The following ATP13A2 variants were observed in gnomAD, a reference collection of about 807,000 sequenced individuals.
ATP13A2 encodes ATPase cation transporting 13A2, also known as polyamine-transporting ATPase 13A2.
In ATP13A2, 83 loss-of-function variants were observed where a neutral mutation model predicts 138.3. The observed-to-expected ratio is 0.60, with a 90% CI of 0.50 to 0.72. The LOEUF is 0.72. Ranked by LOEUF, ATP13A2 falls within the 30% of genes least tolerant of loss-of-function variation. The probability of loss-of-function intolerance (pLI) is 0.00; values close to 1 mark genes in which losing one functional copy is unlikely to be tolerated. For synonymous variants in ATP13A2, 663 were observed against 699.0 expected, an observed-to-expected ratio of 0.95 and a Z score of 0.81; for missense variants, 1,402 against 1,606.4, an observed-to-expected ratio of 0.87 and a Z score of 2.17.
intron 6 of ATP13A2, among the ~76,000 whole-genome samples, chr1:17,003,253 C>T (rs981877545): frequency 1.3e-5 from 2 of 152,138 alleles, no homozygotes; most frequent in African/African-American, 2.4e-5. Context: ...TCTGCTTCTG[C>T]GGCATTCAAA....
chr1:16,990,571 G>A (rs1269989701), intron 20 of ATP13A2, among the ~76,000 whole-genome samples: 3 of 152,154 alleles, frequency 2.0e-5, no homozygotes, highest in African/African-American at 7.2e-5. Context: ...AGGCTGGAGT[G>A]CAGTGGCTTG....
chr1:17,002,515 C>T, intron 6 of ATP13A2, 142 bp from the exon 7 acceptor site: 1 of 989,008 alleles, frequency 1.0e-6, no homozygotes, highest in South Asian at 1.6e-5. Flanking sequence ...AGTAAGCCCC[C>T]TTGAACCCAA....
At position 17,004,547 on chromosome 1, in the gene ATP13A2, A is replaced by G. The variant is rs1570888871; in HGVS notation, c.478-136T>C. 1.3e-6 allele frequency: 2 copies of G among 1,559,346 alleles called. No individual in the cohort carries two copies. The highest frequency in any genetic ancestry group is 3.6e-5 in the Admixed American group (2 of 54,810). On this transcript the variant is annotated intron_variant, in intron 5 of 28. Coordinates refer to ENST00000326735, the MANE Select transcript of ATP13A2 (RefSeq NM_022089.4). The surrounding 1 kb of genome is among the most constrained non-coding windows in gnomAD (Gnocchi z 4.1). ...AGACAGAGAGGTGGGGAGAGGCCTGAAAGTGTAAACGTGCTCAGACAGCAT... is the reference window on the plus strand; with the variant it reads ...AGACAGAGAGGTGGGGAGAGGCCTGGAAGTGTAAACGTGCTCAGACAGCAT...
At position 16,986,215 on chromosome 1, in the gene ATP13A2, C is replaced by G. The variant is rs749553950; in HGVS notation, c.*6G>C. ...TTCCAGTGTCTGGGGTGCCCGTGGG[C>G]CTGCACTACCTCAGGGGGCCGGCGG... On this transcript the variant is annotated 3_prime_UTR_variant, in exon 29 of 29. Transcript: ENST00000326735. This position sits in a 1 kb window ranked among gnomAD's most constrained non-coding sequence, Gnocchi z 6.9. 2.5e-6 allele frequency: 4 copies of G among 1,612,212 alleles called. No individual in the cohort carries two copies. The African/African-American group carries it at 5.3e-5, about 22-fold the overall frequency.
At position 17,004,763 on chromosome 1, in the gene ATP13A2, C is replaced by T; in HGVS notation, c.406G>A (p.Ala136Thr). Residue 136 changes from alanine to threonine, a missense_variant, in exon 5 of 29, where the codon GCG becomes ACG. Coordinates refer to ENST00000326735, the MANE Select transcript of ATP13A2 (RefSeq NM_022089.4). The surrounding 1 kb of genome is among the most constrained non-coding windows in gnomAD (Gnocchi z 4.1). ...EDGRSQAAVGAVPEGAWKDTA... is the reference protein window; with the variant it reads ...EDGRSQAAVGTVPEGAWKDTA... Reference sequence around the variant, plus strand: ...TCCTTCCAGGCACCCTCTGGTACCGCCCCAACTGCCGCCTGGCTCCGGCCA... The same window carrying T: ...TCCTTCCAGGCACCCTCTGGTACCGTCCCAACTGCCGCCTGGCTCCGGCCA... The T allele has an allele frequency of 1.2e-6, 2 of 1,614,112 alleles. No individual in the cohort carries two copies. The highest frequency in any genetic ancestry group is 1.7e-6 in the Non-Finnish European group (2 of 1,180,044).
Position 17,005,455 on chromosome 1 carries a change from G to C in ATP13A2, c.207C>G (p.Pro69=). Residue 69 remains proline, a synonymous_variant, in exon 3 of 29, where the codon CCC becomes CCG. Transcript: ENST00000326735. ...GIPLLLFRWK[P]LWGVRLRLRP... The stretch of plus-strand genomic sequence containing the variant: ...GGAGCCGCAGCCGCACCCCCCACAG[G>C]GGCTTCCAACGGAAGAGCAGCAAAG... 1.2e-6 allele frequency: 2 copies of C among 1,614,216 alleles called. No individual in the cohort carries two copies. Among genetic ancestry groups the C allele is most frequent in the Non-Finnish European group, 1.7e-6 (2 of 1,180,028 alleles).
At position 16,990,109 on chromosome 1, in the gene ATP13A2, A is replaced by T. The variant is rs757799277; in HGVS notation, c.2412+18T>A. 9 of 1,614,020 alleles carry T rather than the reference A, an allele frequency of 5.6e-6. No homozygotes were observed. On this transcript the variant is annotated intron_variant, in intron 21 of 28. Coordinates refer to ENST00000326735, the MANE Select transcript of ATP13A2 (RefSeq NM_022089.4). Reference sequence around the variant, plus strand: ...GGTCACTGGGTGAGGTACAGCTGGAACTCTGGGTTAGCCTCACCTTAACGC... The same window carrying T: ...GGTCACTGGGTGAGGTACAGCTGGATCTCTGGGTTAGCCTCACCTTAACGC...
rs1429837804 is a variant in ATP13A2 at position 16,993,614 on chromosome 1, G to C, written c.1749+15C>G. On this transcript the variant is annotated intron_variant, in intron 16 of 28. Transcript: ENST00000326735. ...CTGCCCAGAGGCAGGGGGCTGACCT[G>C]CTTGGCCTCCTCACCCAGCCAGTAG... 1.1e-5 allele frequency: 18 copies of C among 1,567,546 alleles called. No individual in the cohort carries two copies. In the Admixed American group the frequency reaches 2.8e-4, roughly 25 times the overall value.
At chr1:16,993,922 G>T in intron 15 of ATP13A2, 87 bp from the exon 16 acceptor site, 1 of 1,156,508 alleles carries the variant, frequency 8.6e-7, no homozygotes, top group Non-Finnish European at 1.2e-6. Flanking sequence ...AGGCCCGGCG[G>T]ACCCTATGGG....
rs766354139 is a variant in ATP13A2 at position 16,992,351 on chromosome 1, C to A, written c.1897G>T (p.Ala633Ser). The change falls in exon 18 of 29, where the codon GCT becomes TCT. Residue 633 changes from alanine to serine, a missense_variant. Physicochemically the swap from Ala to Ser is moderately conservative, Grantham distance 99. Coordinates refer to ENST00000326735, the MANE Select transcript of ATP13A2 (RefSeq NM_022089.4). ...SVLHRFPFSS[A>S]LQRMSVVVAW... is the part of the protein sequence containing the mutation. Reference sequence around the variant, plus strand: ...ACCACCACACTCATGCGCTGCAGAGCCGAAGAGAAGGGGAAGCGGTGGAGG... The same window carrying A: ...ACCACCACACTCATGCGCTGCAGAGACGAAGAGAAGGGGAAGCGGTGGAGG... 1.9e-6 allele frequency: 3 copies of A among 1,613,226 alleles called. No homozygotes were observed. The highest frequency in any genetic ancestry group is 3.3e-5 in the Admixed American group (2 of 59,936).
rs979860608 is a variant in ATP13A2, at chr1:17,000,683, C to T, written c.706-149G>A. The T allele has an allele frequency of 1.4e-5, 14 of 1,008,974 alleles. No homozygotes were observed. The South Asian group carries it at 1.5e-4, about 11-fold the overall frequency. 62.5% of individuals were successfully genotyped at this position (1,008,974 alleles called of 1,614,324 possible). On this transcript the variant is annotated intron_variant, in intron 8 of 28. Coordinates refer to ENST00000326735, the MANE Select transcript of ATP13A2 (RefSeq NM_022089.4). The stretch of plus-strand genomic sequence containing the variant: ...TTTCTCCTGGTCAATCCCATCCCCA[C>T]CCAACCAGACATCCCCAGGGCCCTC...
At position 16,992,224 on chromosome 1, in the gene ATP13A2, C is replaced by G. The variant is rs374756116; in HGVS notation, c.2005+19G>C. The G allele has an allele frequency of 9.3e-6, 15 of 1,612,258 alleles. No homozygotes were observed. The highest frequency in any genetic ancestry group is 1.0e-5 in the Non-Finnish European group (12 of 1,179,442). On this transcript the variant is annotated intron_variant, in intron 18 of 28. Coordinates refer to ENST00000326735, the MANE Select transcript of ATP13A2 (RefSeq NM_022089.4). Reference sequence around the variant, plus strand: ...GTGCCAATGCCCAACCAGGGGGACTCAGGGGCTTCCCCCTGCACCTGTCTC... The same window carrying G: ...GTGCCAATGCCCAACCAGGGGGACTGAGGGGCTTCCCCCTGCACCTGTCTC...
rs2077094463 is a variant in ATP13A2, at chr1:16,995,724, A to G, written c.1542+252T>C. ...GCCTCCCAAAGTGCTGGGATTACAG[A>G]CGTGAGCCACCGCGCCCGGCCCCCC... On this transcript the variant is annotated intron_variant, in intron 15 of 28. Transcript: ENST00000326735. The surrounding 1 kb of genome is among the most constrained non-coding windows in gnomAD (Gnocchi z 4.1). 1 of 577,628 alleles carries G rather than the reference A, an allele frequency of 1.7e-6. No homozygotes were observed. Among genetic ancestry groups the G allele is most frequent in the South Asian group, 1.8e-5 (1 of 55,462 alleles). The allele number at this position is 577,628 out of a possible 1,614,324, so 35.8% of individuals were successfully genotyped here. A position where few individuals can be genotyped will look rare whatever the true frequency, so the allele number is the denominator to read the frequency against.
chr1:16,992,366 A>G lies in ATP13A2; in HGVS notation c.1882T>C (p.Phe628Leu), dbSNP rs753018422. The G allele has an allele frequency of 6.2e-7, 1 of 1,613,446 alleles. No homozygotes were observed. Among genetic ancestry groups the G allele is most frequent in the Non-Finnish European group, 8.5e-7 (1 of 1,179,902 alleles). Residue 628 changes from phenylalanine (F) to leucine (L), a missense_variant, in exon 18 of 29, where the codon TTC (phenylalanine) becomes CTC (leucine). Physicochemically the swap from Phe to Leu is conservative, Grantham distance 22. Transcript: ENST00000326735. ...PPVPVSVLHR[F>L]PFSSALQRMS... Reference sequence around the variant, plus strand: ...CGCTGCAGAGCCGAAGAGAAGGGGAAGCGGTGGAGGACGCTGACTGGCACC... The same window carrying G: ...CGCTGCAGAGCCGAAGAGAAGGGGAGGCGGTGGAGGACGCTGACTGGCACC...
Position 17,004,749 on chromosome 1 carries a change from A to T in ATP13A2, c.420T>A (p.Gly140=). Residue 140 remains glycine, a synonymous_variant, in exon 5 of 29, where the codon GGT becomes GGA. Transcript: ENST00000326735. The surrounding 1 kb of genome is among the most constrained non-coding windows in gnomAD (Gnocchi z 4.1). ...GGAGCTGGGCCGTATCCTTCCAGGC[A>T]CCCTCTGGTACCGCCCCAACTGCCG... ...SQAAVGAVPE[G]AWKDTAQLHK... 1 of 1,613,750 alleles carries T rather than the reference A, an allele frequency of 6.2e-7. No homozygotes were observed. Among genetic ancestry groups the T allele is most frequent in the African/African-American group, 1.3e-5 (1 of 74,926 alleles).
At chr1:16,994,389 C>T (rs2077044218) in intron 15 of ATP13A2, among the ~76,000 whole-genome samples, 1 of 150,926 alleles carries the variant, frequency 6.6e-6, no homozygotes, top group South Asian at 2.1e-4. Flanking sequence ...CGCGCTACCT[C>T]GCCCACCTAA....
intron 11 of ATP13A2, among the ~76,000 whole-genome samples, chr1:16,998,488 G>A (rs2077225596): frequency 1.3e-5 from 2 of 152,066 alleles, no homozygotes; most frequent in Non-Finnish European, 1.5e-5. Flanking sequence ...TTACAGGTGC[G>A]AGCCACTGCG....
rs201526077 is a variant in ATP13A2 at position 16,994,186 on chromosome 1, T to TCG, written c.1543-352_1543-351insCG. On this transcript the variant is annotated intron_variant, in intron 15 of 28. Coordinates refer to ENST00000326735, the MANE Select transcript of ATP13A2 (RefSeq NM_022089.4). The stretch of plus-strand genomic sequence containing the variant: ...AGGACCCGGCCCACGGTTGGCTCGC[T>TCG]CTCTCTCTCTCATTTATTTATTTAT... Among the ~76,000 whole-genome samples, 1,388 of 145,588 alleles carry TCG rather than the reference T, an allele frequency of 9.5e-3. 23 individuals carry two copies. Among genetic ancestry groups the TCG allele is most frequent in the African/African-American group, 0.033 (1,328 of 40,016 alleles).
At chr1:16,990,461 G>A (rs775080939) in intron 20 of ATP13A2, among the ~76,000 whole-genome samples, 174 bp from the exon 21 acceptor site, 2 of 152,212 alleles carry the variant, frequency 1.3e-5, no homozygotes. Flanking sequence ...TGTAGATCCA[G>A]GCATTGAAGG....
Sources: gnomAD v4.1 joint callset for allele counts (sites outside exome capture counted in the v4.1 genomes callset) on GRCh38, gnomAD v4.1.1 for gene constraint, Gnocchi (gnomAD v3.1) non-coding constraint, MANE v1.5 for transcripts, NCBI Gene and HGNC (gene_info 2026-07-23, HGNC 2026-07-21) for gene names.